The following PCDHGB7 variants were observed in gnomAD, a reference collection of about 807,000 sequenced individuals.
The protein encoded by PCDHGB7 is protocadherin gamma subfamily B, 7.
PCDHGB7 carries 37 observed loss-of-function variants against 61.4 expected under a neutral mutation model. The observed-to-expected ratio is 0.60, with a 90% CI of 0.46 to 0.79. The LOEUF is 0.79. PCDHGB7 is among the 30% of genes least tolerant of loss of function. PCDHGB7 has a pLI of 0.00. For missense variants in PCDHGB7, 1,166 were observed against 1,202.5 expected (o/e 0.97, Z 0.45); for synonymous variants, 464 against 503.5 (o/e 0.92, Z 1.05).
intron 1 of PCDHGB7, among the ~76,000 whole-genome samples, chr5:141,449,606 A>AG (rs1263111904): frequency 2.0e-5 from 3 of 150,702 alleles, no homozygotes; most frequent in Non-Finnish European, 3.0e-5. Flanking sequence ...AAAAAAAAAA[A>AG]AGTAAAAAAG....
At chr5:141,472,113 A>C (rs1296591849) in intron 1 of PCDHGB7, among the ~76,000 whole-genome samples, 1 of 152,260 alleles carries the variant, frequency 6.6e-6, no homozygotes, top group Non-Finnish European at 1.5e-5. Context: ...ATACATAAAG[A>C]AAATAAAAGA....
rs780664832 is a variant in PCDHGB7 at position 141,422,982 on chromosome 5, T to C, written c.2415+2708T>C. On this transcript the variant is annotated intron_variant, in intron 1 of 3. Coordinates refer to ENST00000398594, the MANE Select transcript of PCDHGB7 (RefSeq NM_018927.4). ...AGCTGGCGCCCCGCTCTGCGGAACC[T>C]GGCTACCTGGTGACCAAGGTGGTTG... 2.5e-6 allele frequency: 4 copies of C among 1,614,206 alleles called. No individual in the cohort carries two copies. The South Asian group carries it at 4.4e-5, about 18-fold the overall frequency.
At chr5:141,421,436 G>C (rs373015809) in intron 1 of PCDHGB7, 6 of 1,613,994 alleles carry the variant, frequency 3.7e-6, no homozygotes, top group African/African-American at 2.7e-5. Context: ...ATCGTCTCCA[G>C]AGGGAAGACA....
chr5:141,487,811 A>C lies in PCDHGB7; in HGVS notation c.2416-6996A>C, dbSNP rs1389081995. 2 of 1,414,662 alleles carry C rather than the reference A, an allele frequency of 1.4e-6. No homozygotes were observed. The highest frequency in any genetic ancestry group is 1.9e-6 in the Non-Finnish European group (2 of 1,041,698). The allele number at this position is 1,414,662 out of a possible 1,614,324, so 87.6% of individuals were successfully genotyped here. On this transcript the variant is annotated intron_variant, in intron 1 of 3. Coordinates refer to ENST00000398594, the MANE Select transcript of PCDHGB7 (RefSeq NM_018927.4). This position sits in a 1 kb window ranked among gnomAD's most constrained non-coding sequence, Gnocchi z 5.0. ...TTAACCAGAGTTGTCACAGTTTAGC[A>C]TTGGGGGCGGGTCATGCCTATATCT...
chr5:141,477,191 A>C lies in PCDHGB7; in HGVS notation c.2416-17616A>C. 1 of 1,614,210 alleles carries C rather than the reference A, an allele frequency of 6.2e-7. No individual in the cohort carries two copies. The highest frequency in any genetic ancestry group is 1.1e-5 in the South Asian group (1 of 91,086). ...GGAGATCACAGTCACCTCCGTGTAC[A>C]GCCCAGTACCCGAGGATGCCCCTCT... On this transcript the variant is annotated intron_variant, in intron 1 of 3. Coordinates refer to ENST00000398594, the MANE Select transcript of PCDHGB7 (RefSeq NM_018927.4). This position sits in a 1 kb window ranked among gnomAD's most constrained non-coding sequence, Gnocchi z 4.9.
intron 2 of PCDHGB7, among the ~76,000 whole-genome samples, chr5:141,496,353 C>T (rs761547879): frequency 4.6e-5 from 7 of 152,210 alleles, no homozygotes; most frequent in Non-Finnish European, 8.8e-5. Context: ...AGTCTCAGAG[C>T]CCAGGGAGAG....
intron 2 of PCDHGB7, 22 bp downstream of exon 2, chr5:141,494,887 C>T (rs116522768): frequency 0.014 from 22,125 of 1,614,118 alleles, 208 homozygotes; most frequent in Middle Eastern, 0.021. Context: ...ATTCTCCAGC[C>T]CACCCTCTTC....
intron 1 of PCDHGB7, chr5:141,422,694 T>C: frequency 6.2e-7 from 1 of 1,603,912 alleles, no homozygotes; most frequent in Non-Finnish European, 8.5e-7. Context: ...CCCTGGTCAC[T>C]TACTCTCTGA....
intron 1 of PCDHGB7, among the ~76,000 whole-genome samples, chr5:141,448,169 A>C (rs1418273084): frequency 6.6e-6 from 1 of 152,014 alleles, no homozygotes; most frequent in Non-Finnish European, 1.5e-5. Flanking sequence ...GATCACTACT[A>C]TTCATCCCTG....
intron 1 of PCDHGB7, among the ~76,000 whole-genome samples, chr5:141,460,307 C>A (rs1025049001): frequency 6.6e-6 from 1 of 152,102 alleles, no homozygotes; most frequent in African/African-American, 2.4e-5. Context: ...TATTCAAAAA[C>A]TCCTTGCCTA....
intron 1 of PCDHGB7, chr5:141,441,726 C>A: frequency 2.8e-6 from 1 of 353,524 alleles, no homozygotes; most frequent in Non-Finnish European, 5.6e-6. Flanking sequence ...GGCCCGCGAC[C>A]AGGACTAGCT....
Position 141,491,103 on chromosome 5 carries a change from G to T in PCDHGB7, c.2416-3704G>T, listed in dbSNP as rs1190609518. The T allele has an allele frequency of 6.2e-7, 1 of 1,614,162 alleles. No individual in the cohort carries two copies. ...CCACAGCCCCAGGACTGTTCCTCGT[G>T]TCTACACACACTGGTGAGGTGCGCA... On this transcript the variant is annotated intron_variant, in intron 1 of 3. Coordinates refer to ENST00000398594, the MANE Select transcript of PCDHGB7 (RefSeq NM_018927.4). The surrounding 1 kb of genome is among the most constrained non-coding windows in gnomAD (Gnocchi z 6.9).
intron 1 of PCDHGB7, among the ~76,000 whole-genome samples, chr5:141,473,942 GC>G (rs1443545533): frequency 1.3e-5 from 2 of 152,124 alleles, no homozygotes; most frequent in African/African-American, 4.8e-5. Context: ...AGTAGCTCAG[GC>G]CTGTAGTCCC....
chr5:141,492,359 C>A (rs1292383129), intron 1 of PCDHGB7, among the ~76,000 whole-genome samples: 3 of 152,336 alleles, frequency 2.0e-5, no homozygotes, highest in African/African-American at 7.2e-5. Flanking sequence ...GCCACTCGCT[C>A]GCGGCCAGAT....
chr5:141,431,333 C>T lies in PCDHGB7; in HGVS notation c.2415+11059C>T. 1 of 1,614,058 alleles carries T rather than the reference C, an allele frequency of 6.2e-7. No individual in the cohort carries two copies. Among genetic ancestry groups the T allele is most frequent in the Non-Finnish European group, 8.5e-7 (1 of 1,180,030 alleles). On this transcript the variant is annotated intron_variant, in intron 1 of 3. Coordinates refer to ENST00000398594, the MANE Select transcript of PCDHGB7 (RefSeq NM_018927.4). The surrounding 1 kb of genome is among the most constrained non-coding windows in gnomAD (Gnocchi z 4.8). ...AAATGGAGCCGACGGTAGTAAGTAC[C>T]CCGAATTGGTGCTGAAACGCGCCCT...
intron 1 of PCDHGB7, among the ~76,000 whole-genome samples, chr5:141,433,690 A>G (rs951380027): frequency 2.0e-5 from 3 of 152,088 alleles, no homozygotes; most frequent in African/African-American, 7.2e-5. Flanking sequence ...ATACAAAATT[A>G]GCCGGGCGTG....
rs2099883627 is a variant in PCDHGB7, at chr5:141,511,136, G to A, written c.2753G>A (p.Gly918Asp). 4.3e-6 allele frequency: 7 copies of A among 1,614,194 alleles called. No homozygotes were observed. The East Asian group carries it at 1.6e-4, about 36-fold the overall frequency. The change falls in exon 4 of 4, where the codon GGC (glycine) becomes GAC (aspartate). Residue 918 changes from glycine (G) to aspartate (D), a missense_variant. Physicochemically the swap from Gly to Asp is moderately conservative, Grantham distance 94. Coordinates refer to ENST00000398594, the MANE Select transcript of PCDHGB7 (RefSeq NM_018927.4). ...GGCAAGGCCCCAGCAGGTGGCAATG[G>A]CAACAAGAAGAAGTCGGGCAAGAAG... Reference protein sequence around the residue: ...RDGKAPAGGNGNKKKSGKKEK... With the variant: ...RDGKAPAGGNDNKKKSGKKEK...
intron 1 of PCDHGB7, among the ~76,000 whole-genome samples, chr5:141,481,994 A>AG (rs2099550091): frequency 1.3e-5 from 2 of 151,258 alleles, no homozygotes; most frequent in African/African-American, 4.9e-5. Context: ...TTGAAGCAGG[A>AG]GAATCGCTTT....
chr5:141,431,932 CT>C lies in PCDHGB7; in HGVS notation c.2415+11661del, dbSNP rs748715936. ...TCTGTTTCATCCAAGGAAATCTGCC[CT>C]TTAAATTAGAAAAATCTTACGGAAA... On this transcript the variant is annotated intron_variant, in intron 1 of 3. Transcript: ENST00000398594. The surrounding 1 kb of genome is among the most constrained non-coding windows in gnomAD (Gnocchi z 4.8). The C allele has an allele frequency of 6.2e-7, 1 of 1,614,172 alleles. No individual in the cohort carries two copies. Among genetic ancestry groups the C allele is most frequent in the Non-Finnish European group, 8.5e-7 (1 of 1,180,002 alleles).
Sources: gnomAD v4.1 joint callset for allele counts (sites outside exome capture counted in the v4.1 genomes callset) on GRCh38, gnomAD v4.1.1 for gene constraint, Gnocchi (gnomAD v3.1) non-coding constraint, MANE v1.5 for transcripts, NCBI Gene and HGNC (gene_info 2026-07-23, HGNC 2026-07-21) for gene names.